Variants in CLMN observed in about 807,000 individuals in gnomAD.
CLMN encodes the protein calmin.
In CLMN, 57 loss-of-function variants were observed where a neutral mutation model predicts 92.7. The ratio of observed to expected loss-of-function variants is 0.61; its 90% confidence interval spans 0.50 to 0.77. CLMN has a LOEUF of 0.77. Ranked by LOEUF, CLMN falls within the 30% of genes least tolerant of loss-of-function variation. CLMN has a pLI of 0.00. For synonymous variants in CLMN, 466 were observed against 470.6 expected (o/e 0.99, Z 0.13); for missense variants, 1,158 against 1,237.5 (o/e 0.94, Z 0.96).
chr14:95,204,096 T>C lies in CLMN; in HGVS notation c.1253A>G (p.Asn418Ser), dbSNP rs868745274. 1 of 1,614,100 alleles carries C rather than the reference T, an allele frequency of 6.2e-7. No individual in the cohort carries two copies. Among genetic ancestry groups the C allele is most frequent in the Non-Finnish European group, 8.5e-7 (1 of 1,180,020 alleles). Residue 418 changes from asparagine to serine, a missense_variant, in exon 9 of 13, where the codon AAC (asparagine) becomes AGC (serine). Physicochemically the swap from Asn to Ser is conservative, Grantham distance 46 (BLOSUM62 1). Transcript: ENST00000298912. ...LSSRKENGRS[N>S]SLPIKKTVHF... The stretch of plus-strand genomic sequence containing the variant: ...AACTGTTTTCTTGATCGGCAAAGAG[T>C]TGGACCTCCCGTTCTCCTTTCTGGA...
intron 1 of CLMN, among the ~76,000 whole-genome samples, chr14:95,318,725 C>T (rs145259750): frequency 1.3e-5 from 2 of 152,138 alleles, no homozygotes; most frequent in Admixed American, 1.3e-4. Flanking sequence ...ACTTCACCTG[C>T]ACAGGTCAAT....
chr14:95,261,695 G>C (rs1358461267), intron 1 of CLMN, among the ~76,000 whole-genome samples: 1 of 152,216 alleles, frequency 6.6e-6, no homozygotes, highest in Admixed American at 6.5e-5. Context: ...CCACACAACT[G>C]CTGTCGGGAA....
chr14:95,195,027 C>T (rs577809314), intron 10 of CLMN, among the ~76,000 whole-genome samples: 1 of 152,284 alleles, frequency 6.6e-6, no homozygotes, highest in East Asian at 1.9e-4. Context: ...AGTGGGAATG[C>T]TTGCCTCGCA....
At chr14:95,312,591 G>A (rs922461074) in intron 1 of CLMN, among the ~76,000 whole-genome samples, 6 of 152,098 alleles carry the variant, frequency 3.9e-5, no homozygotes, top group African/African-American at 7.2e-5. Flanking sequence ...TTCCTACTCC[G>A]TAGGGAGGCT....
chr14:95,238,718 C>T (rs963125840), intron 1 of CLMN, among the ~76,000 whole-genome samples: 12 of 152,246 alleles, frequency 7.9e-5, no homozygotes, highest in African/African-American at 2.2e-4. Flanking sequence ...CTGCTCCAGC[C>T]GGCACAAACC....
chr14:95,210,209 G>A (rs1034005997), intron 7 of CLMN, among the ~76,000 whole-genome samples: 4 of 152,022 alleles, frequency 2.6e-5, no homozygotes, highest in Admixed American at 6.6e-5. Flanking sequence ...GCGCCACCAC[G>A]CCCAGCTAAT....
chr14:95,236,393 G>A (rs1898058551), intron 1 of CLMN, among the ~76,000 whole-genome samples: 1 of 152,238 alleles, frequency 6.6e-6, no homozygotes, highest in Non-Finnish European at 1.5e-5. Flanking sequence ...ATCTCGCGCA[G>A]CTTGGAATCC....
At chr14:95,219,464 G>T (rs554858740) in intron 4 of CLMN, among the ~76,000 whole-genome samples, 2 of 152,314 alleles carry the variant, frequency 1.3e-5, no homozygotes, top group South Asian at 4.2e-4. Flanking sequence ...ATCAATCAAG[G>T]GGGGTGACGC....
At position 95,265,756 on chromosome 14, in the gene CLMN, T is replaced by A. The variant is rs534458994; in HGVS notation, c.83-35623A>T. Reference sequence around the variant, plus strand: ...TGCTCAGACAGAGCCCTGTTGAACGTTTACCTTCCTGAAGAAGGCAGAAAG... The same window carrying A: ...TGCTCAGACAGAGCCCTGTTGAACGATTACCTTCCTGAAGAAGGCAGAAAG... On this transcript the variant is annotated intron_variant, in intron 1 of 12. Transcript: ENST00000298912. 8.1e-4 allele frequency among the ~76,000 whole-genome samples: 124 copies of A among 152,354 alleles called. 1 individual carries two copies. The South Asian group carries it at 0.015, about 18-fold the overall frequency.
intron 2 of CLMN, among the ~76,000 whole-genome samples, chr14:95,225,924 A>AGTCT (rs778262146): frequency 3.2e-4 from 48 of 152,272 alleles, no homozygotes; most frequent in Non-Finnish European, 5.6e-4. Context: ...CGTGGCCGGG[A>AGTCT]GTCTGAAGAA....
chr14:95,257,777 G>C (rs1049907702), intron 1 of CLMN, among the ~76,000 whole-genome samples: 1 of 152,238 alleles, frequency 6.6e-6, no homozygotes, highest in Non-Finnish European at 1.5e-5. Context: ...CCCAGTCCCA[G>C]TTGGACTGAC....
intron 1 of CLMN, among the ~76,000 whole-genome samples, chr14:95,236,274 C>A (rs1033371282): frequency 6.6e-6 from 1 of 152,232 alleles, no homozygotes; most frequent in Admixed American, 6.5e-5. Flanking sequence ...CTGCAGCGTC[C>A]TGGGGGCATG....
At chr14:95,304,610 A>G (rs908911139) in intron 1 of CLMN, among the ~76,000 whole-genome samples, 2 of 152,028 alleles carry the variant, frequency 1.3e-5, no homozygotes, top group African/African-American at 2.4e-5. Flanking sequence ...TGAAGAGGTT[A>G]AAAATACTGA....
At chr14:95,242,849 G>A (rs1461259918) in intron 1 of CLMN, among the ~76,000 whole-genome samples, 2 of 152,160 alleles carry the variant, frequency 1.3e-5, no homozygotes, top group Non-Finnish European at 2.9e-5. Context: ...TTACAGGCAT[G>A]AGCCACCACG....
Position 95,213,269 on chromosome 14 carries a change from C to G in CLMN, c.558G>C (p.Gln186His). ...ERSVAISVKD[Q>H]RKAIKALLAW... ...CCAACAGGGCCTTGATAGCCTTCCT[C>G]TGGTCTTTCACCGATATTGCCACGC... Residue 186 changes from glutamine (Q) to histidine (H), a missense_variant, in exon 6 of 13, where the codon CAG becomes CAC. Coordinates refer to ENST00000298912, the MANE Select transcript of CLMN (RefSeq NM_024734.4). 6.2e-7 allele frequency: 1 copy of G among 1,614,064 alleles called. No homozygotes were observed. The highest frequency in any genetic ancestry group is 8.5e-7 in the Non-Finnish European group (1 of 1,179,992).
chr14:95,215,536 TA>T, intron 5 of CLMN, 104 bp downstream of exon 5: 1 of 915,498 alleles, frequency 1.1e-6, no homozygotes, highest in Non-Finnish European at 1.8e-6. Context: ...AAATCTGCCA[TA>T]AACTAAGCCT....
At chr14:95,205,616 T>G (rs1481941869) in intron 8 of CLMN, among the ~76,000 whole-genome samples, 2 of 152,102 alleles carry the variant, frequency 1.3e-5, no homozygotes, top group Admixed American at 6.5e-5. Flanking sequence ...TTAAAACATA[T>G]GCAGAAGTAA....
At chr14:95,236,895 G>A (rs1898074923) in intron 1 of CLMN, among the ~76,000 whole-genome samples, 1 of 151,894 alleles carries the variant, frequency 6.6e-6, no homozygotes. Context: ...GGTGTGGGGA[G>A]GGGCTGCTGT....
chr14:95,195,667 GC>G (rs1292420173), intron 10 of CLMN, among the ~76,000 whole-genome samples: 9 of 152,222 alleles, frequency 5.9e-5, no homozygotes, highest in Non-Finnish European at 1.2e-4. Context: ...AAGTTACCTG[GC>G]CCCCTGACCT....
Sources: allele counts gnomAD v4.1 joint callset (sites outside exome capture counted in the v4.1 genomes callset), GRCh38; gene constraint gnomAD v4.1.1; transcripts MANE v1.5; gene names NCBI Gene and HGNC (gene_info 2026-07-23, HGNC 2026-07-21).